The following OR4D1 variants were observed in gnomAD, a reference collection of about 807,000 sequenced individuals.
The protein encoded by OR4D1 is olfactory receptor family 4 subfamily D member 1.
In OR4D1, 10 loss-of-function variants were observed where a neutral mutation model predicts 14.2. The observed-to-expected ratio is 0.71, with a 90% confidence interval of 0.44 to 1.20. OR4D1 has a LOEUF of 1.20. Among genes scored for constraint, OR4D1 ranks in the 50% most tolerant of loss-of-function variants. The pLI is 0.00. For missense variants in OR4D1, 345 were observed against 376.6 expected (o/e 0.92, Z 0.70); for synonymous variants, 141 against 147.4 (o/e 0.96, Z 0.32).
rs1301166583 is a variant in OR4D1 at position 58,155,783 on chromosome 17, G to T, written c.630G>T (p.Trp210Cys). 3 of 1,614,018 alleles carry T rather than the reference G, an allele frequency of 1.9e-6. No individual in the cohort carries two copies. The highest frequency in any genetic ancestry group is 2.7e-5 in the African/African-American group (2 of 74,890). The change falls in exon 4 of 4, where the codon TGG becomes TGT. Residue 210 changes from tryptophan (W) to cysteine (C), a missense_variant. Coordinates refer to ENST00000268912, the MANE Select transcript of OR4D1 (RefSeq NM_001386095.1). ...ISNSGLLVII[W>C]FLLLLISYTV... The stretch of plus-strand genomic sequence containing the variant: ...ACAGTGGGCTGCTAGTTATCATCTG[G>T]TTCCTCCTCCTTCTGATCTCTTATA...
In OR4D1 at chr17:58,156,253, T is replaced by TA; in HGVS notation, c.*167_*168insA. On this transcript the variant is annotated 3_prime_UTR_variant, in exon 4 of 4. Transcript: ENST00000268912. ...GTGTTAAGCACTTCCACGCTTTTTT[T>TA]CTTTTTTTTTTTTTTTAGATGGAGC... 1.7e-6 allele frequency: 1 copy of TA among 591,254 alleles called. No individual in the cohort carries two copies. Among genetic ancestry groups the TA allele is most frequent in the Non-Finnish European group, 2.9e-6 (1 of 343,778 alleles). The allele number at this position is 591,254 out of a possible 1,614,324, so 36.6% of individuals were successfully genotyped here.
chr17:58,149,326 T>C (rs1967669640), intron 1 of OR4D1, 103 bp from the exon 2 acceptor site: 1 of 152,226 alleles, frequency 6.6e-6, no homozygotes. Context: ...ATGATGCTTC[T>C]AGGATTGTAA....
Position 58,158,457 on chromosome 17 carries a change from C to A in OR4D1, c.*2371C>A, listed in dbSNP as rs1008230637. On this transcript the variant is annotated 3_prime_UTR_variant, in exon 4 of 4. Transcript: ENST00000268912. ...TATCTCTCCCCACGCCCACCCCCCC[C>A]CCACACACACATTTTTACAGTTTTA... 6.2e-5 allele frequency: 9 copies of A among 145,040 alleles called. No individual in the cohort carries two copies. The East Asian group carries it at 6.5e-4, about 11-fold the overall frequency. 9.0% of individuals were successfully genotyped at this position (145,040 alleles called of 1,614,324 possible). A position where few individuals can be genotyped will look rare whatever the true frequency, so the allele number is the denominator to read the frequency against.
intron 2 of OR4D1, among the ~76,000 whole-genome samples, chr17:58,152,082 T>C (rs1257191419): frequency 6.6e-6 from 1 of 152,256 alleles, no homozygotes; most frequent in African/African-American, 2.4e-5. Flanking sequence ...TATTATATTT[T>C]ATCTTTAACT....
At position 58,157,849 on chromosome 17, in the gene OR4D1, G is replaced by A. The variant is rs1477382663; in HGVS notation, c.*1763G>A. The A allele has an allele frequency of 6.4e-7, 1 of 1,553,818 alleles. No homozygotes were observed. Among genetic ancestry groups the A allele is most frequent in the Non-Finnish European group, 8.8e-7 (1 of 1,137,946 alleles). ...CTCCATGATGGATGTTTGTTTCAAAGGGTTTCCTCTCCCTCTCCAAGAAGG... is the reference window on the plus strand; with the variant it reads ...CTCCATGATGGATGTTTGTTTCAAAAGGTTTCCTCTCCCTCTCCAAGAAGG... On this transcript the variant is annotated 3_prime_UTR_variant, in exon 4 of 4. Transcript: ENST00000268912.
chr17:58,157,049 G>T lies in OR4D1; in HGVS notation c.*963G>T. The T allele has an allele frequency of 8.3e-7, 1 of 1,205,974 alleles. No homozygotes were observed. The highest frequency in any genetic ancestry group is 2.2e-5 in the Admixed American group (1 of 46,484). The allele number at this position is 1,205,974 out of a possible 1,614,324, so 74.7% of individuals were successfully genotyped here. ...TTCTGTTTTCGTCCAATGAGAAGGG[G>T]CCAGCGGTGGCGGTCGGGCCAGGTC... On this transcript the variant is annotated 3_prime_UTR_variant, in exon 4 of 4. Transcript: ENST00000268912.
Position 58,155,329 on chromosome 17 carries a change from T to C in OR4D1, c.176T>C (p.Met59Thr). ...TTTGACTGCCGGCTCCACACACCCA[T>C]GTATTTTCTGCTCCGAAATCTAGCT... ...VTFDCRLHTPMYFLLRNLALI... is the reference protein window; with the variant it reads ...VTFDCRLHTPTYFLLRNLALI... The change falls in exon 4 of 4, where the codon ATG (methionine) becomes ACG (threonine). Residue 59 changes from methionine to threonine, a missense_variant. Coordinates refer to ENST00000268912, the MANE Select transcript of OR4D1 (RefSeq NM_001386095.1). 6.2e-7 allele frequency: 1 copy of C among 1,614,150 alleles called. No individual in the cohort carries two copies. The highest frequency in any genetic ancestry group is 8.5e-7 in the Non-Finnish European group (1 of 1,180,034).
At position 58,153,838 on chromosome 17, in the gene OR4D1, A is replaced by ATTTACT. The variant is rs1967732688; in HGVS notation, c.-126-16_-126-15insACTTTT. ...GAATCATGTCTCCCTTCATGCTCTAATTTTCTTTTTCTTTTTAGAGATAAG... is the reference window on the plus strand; with the variant it reads ...GAATCATGTCTCCCTTCATGCTCTAATTTACTTTTTCTTTTTCTTTTTAGAGATAAG... On this transcript the variant is annotated intron_variant, in intron 2 of 3. Coordinates refer to ENST00000268912, the MANE Select transcript of OR4D1 (RefSeq NM_001386095.1). Among the ~76,000 whole-genome samples, 1 of 152,062 alleles carries ATTTACT rather than the reference A, an allele frequency of 6.6e-6. No homozygotes were observed. The highest frequency in any genetic ancestry group is 6.5e-5 in the Admixed American group (1 of 15,272).
At position 58,148,451 on chromosome 17, in the gene OR4D1, GAGA is replaced by G. The variant is rs980102486; in HGVS notation, c.-623_-621del. The G allele has an allele frequency of 3.3e-5, 5 of 152,442 alleles. No homozygotes were observed. Among genetic ancestry groups the G allele is most frequent in the Non-Finnish European group, 7.3e-5 (5 of 68,130 alleles). 9.4% of individuals were successfully genotyped at this position (152,442 alleles called of 1,614,324 possible). A position where few individuals can be genotyped will look rare whatever the true frequency, so the allele number is the denominator to read the frequency against. On this transcript the variant is annotated 5_prime_UTR_variant, in exon 1 of 4. The change creates a new upstream start codon in the 5' untranslated region. Coordinates refer to ENST00000268912, the MANE Select transcript of OR4D1 (RefSeq NM_001386095.1). ...GTGTTCCTTGTCTGAGAGAGGCCAG[GAGA>G]AGAATGGAGCTACAGGAGAAGAGTG...
At chr17:58,154,890 C>T (rs1730711464) in intron 3 of OR4D1, among the ~76,000 whole-genome samples, 1 of 152,194 alleles carries the variant, frequency 6.6e-6, no homozygotes, top group Non-Finnish European at 1.5e-5. Flanking sequence ...TGGTTGAGGA[C>T]AGCATGGCCG....
rs375568031 is a variant in OR4D1, at chr17:58,154,256, A to T, written c.-20+293A>T. Reference sequence around the variant, plus strand: ...ATTATAGGCATGAGCCACTGCATCCAGCCAACCCTCTTTTTTTTTTTTTTT... The same window carrying T: ...ATTATAGGCATGAGCCACTGCATCCTGCCAACCCTCTTTTTTTTTTTTTTT... On this transcript the variant is annotated intron_variant, in intron 3 of 3. Coordinates refer to ENST00000268912, the MANE Select transcript of OR4D1 (RefSeq NM_001386095.1). Among the ~76,000 whole-genome samples, 281 of 144,040 alleles carry T rather than the reference A, an allele frequency of 2.0e-3. 3 individuals are homozygous for T. The highest frequency in any genetic ancestry group is 6.7e-3 in the African/African-American group (263 of 39,280). 94.5% of individuals were successfully genotyped at this position (144,040 alleles called of 152,430 possible).
At position 58,159,008 on chromosome 17, in the gene OR4D1, C is replaced by G. The variant is rs1212160397; in HGVS notation, c.*2922C>G. ...CATCTCTCCCATCCCTCCAGTATGC[C>G]TTTACCCCTTTGAAAGGGTGCCTTG... On this transcript the variant is annotated 3_prime_UTR_variant, in exon 4 of 4. Transcript: ENST00000268912. 6.6e-6 allele frequency: 1 copy of G among 152,138 alleles called. No homozygotes were observed. The highest frequency in any genetic ancestry group is 2.4e-5 in the African/African-American group (1 of 41,416). 9.4% of individuals were successfully genotyped at this position (152,138 alleles called of 1,614,324 possible). A position where few individuals can be genotyped will look rare whatever the true frequency, so the allele number is the denominator to read the frequency against.
At chr17:58,152,251 C>T (rs1054316470) in intron 2 of OR4D1, among the ~76,000 whole-genome samples, 2 of 152,184 alleles carry the variant, frequency 1.3e-5, no homozygotes, top group South Asian at 2.1e-4. Flanking sequence ...GTGATCTGGC[C>T]GCCTCGGCCT....
intron 2 of OR4D1, among the ~76,000 whole-genome samples, chr17:58,150,877 C>T (rs1371086447): frequency 1.4e-4 from 21 of 152,128 alleles, no homozygotes; most frequent in Admixed American, 6.6e-5. Context: ...GGTTGTCTTT[C>T]GCCCCGACAG....
chr17:58,148,783 C>T (rs1475852819), intron 1 of OR4D1, among the ~76,000 whole-genome samples, 199 bp downstream of exon 1: 2 of 152,076 alleles, frequency 1.3e-5, no homozygotes, highest in Non-Finnish European at 2.9e-5. Flanking sequence ...CCCCCGCCTC[C>T]CACATACATA....
intron 2 of OR4D1, among the ~76,000 whole-genome samples, chr17:58,150,121 C>T (rs1967681592): frequency 6.6e-6 from 1 of 152,096 alleles, no homozygotes. Context: ...CAGTTATTAC[C>T]ATTACTACAA....
At chr17:58,154,876 C>T (rs1440593814) in intron 3 of OR4D1, among the ~76,000 whole-genome samples, 6 of 152,152 alleles carry the variant, frequency 3.9e-5, no homozygotes. Context: ...AGACATGAAA[C>T]CTGTGGTTGA....
In OR4D1 at chr17:58,159,192, A is replaced by G. The variant is rs1420828328; in HGVS notation, c.*3106A>G. 2.0e-5 allele frequency: 3 copies of G among 152,206 alleles called. No homozygotes were observed. The highest frequency in any genetic ancestry group is 4.4e-5 in the Non-Finnish European group (3 of 68,050). The allele number at this position is 152,206 out of a possible 1,614,324, so 9.4% of individuals were successfully genotyped here. ...TGCCCTTTGTTTTTGTTCCATCTTT[A>G]CTAAATACTCTTTGGATAATCTTCA... is the stretch of plus-strand genomic sequence containing the variant. On this transcript the variant is annotated 3_prime_UTR_variant, in exon 4 of 4. Transcript: ENST00000268912.
Position 58,159,007 on chromosome 17 carries a change from C to G in OR4D1, c.*2921C>G, listed in dbSNP as rs919857205. On this transcript the variant is annotated 3_prime_UTR_variant, in exon 4 of 4. Coordinates refer to ENST00000268912, the MANE Select transcript of OR4D1 (RefSeq NM_001386095.1). ...CCATCTCTCCCATCCCTCCAGTATGCCTTTACCCCTTTGAAAGGGTGCCTT... is the reference window on the plus strand; with the variant it reads ...CCATCTCTCCCATCCCTCCAGTATGGCTTTACCCCTTTGAAAGGGTGCCTT... 2.6e-5 allele frequency: 4 copies of G among 152,106 alleles called. No homozygotes were observed. The highest frequency in any genetic ancestry group is 4.4e-5 in the Non-Finnish European group (3 of 68,022). 9.4% of individuals were successfully genotyped at this position (152,106 alleles called of 1,614,324 possible). A position where few individuals can be genotyped will look rare whatever the true frequency, so the allele number is the denominator to read the frequency against.
Sources: allele counts gnomAD v4.1 joint callset (sites outside exome capture counted in the v4.1 genomes callset), GRCh38; gene constraint gnomAD v4.1.1; transcripts MANE v1.5; gene names NCBI Gene and HGNC (gene_info 2026-07-23, HGNC 2026-07-21).